The following TENM3 variants were observed in gnomAD, a reference collection of about 807,000 sequenced individuals.
TENM3 encodes teneurin-3.
A neutral mutation model predicts 255.1 loss-of-function variants in TENM3; 63 were observed. That is an observed-to-expected ratio of 0.25 (90% CI 0.20 to 0.30). The LOEUF (loss-of-function observed/expected upper bound fraction) is 0.30, where lower values mean the gene tolerates loss of function less well. Ranked by LOEUF, TENM3 falls within the 10% of genes least tolerant of loss-of-function variation. TENM3 has a pLI of 1.00. For missense variants in TENM3, 2,929 were observed against 3,461.1 expected, an observed-to-expected ratio of 0.85 and a Z score of 3.86; for synonymous variants, 1,306 against 1,322.3, an observed-to-expected ratio of 0.99 and a Z score of 0.27.
At chr4:182,655,398 T>TA (rs1488051734) in intron 6 of TENM3, among the ~76,000 whole-genome samples, 1 of 152,048 alleles carries the variant, frequency 6.6e-6, no homozygotes, top group Non-Finnish European at 1.5e-5. Flanking sequence ...AAAATGAAAA[T>TA]AGAGTTTGGC....
the TENM3 span, among the ~76,000 whole-genome samples, chr4:182,055,357 A>AAAT: frequency 2.0e-5 from 3 of 151,668 alleles, no homozygotes; most frequent in Non-Finnish European, 4.4e-5. Context: ...AACAATAAAT[A>AAAT]AATAAATAAA....
the TENM3 span, among the ~76,000 whole-genome samples, chr4:181,805,549 T>A: frequency 6.6e-6 from 1 of 152,040 alleles, no homozygotes; most frequent in African/African-American, 2.4e-5. Context: ...AGTTTCTATG[T>A]TCTCAACGTT....
intron 1 of TENM3, among the ~76,000 whole-genome samples, chr4:182,250,849 A>T (rs1270267722): frequency 6.6e-6 from 1 of 152,238 alleles, no homozygotes; most frequent in Non-Finnish European, 1.5e-5. Context: ...GCAATGGTGA[A>T]TTGATAAGGT....
chr4:181,966,825 CATT>C, the TENM3 span, among the ~76,000 whole-genome samples: 2 of 152,160 alleles, frequency 1.3e-5, no homozygotes, highest in African/African-American at 4.8e-5. Context: ...AGTGACAAAG[CATT>C]ATCTTTACTT....
At chr4:181,637,215 A>C in the TENM3 span, among the ~76,000 whole-genome samples, 2 of 91,230 alleles carry the variant, frequency 2.2e-5, no homozygotes, top group Admixed American at 2.5e-4. Context: ...TATAGTTTCT[A>C]TAACAACAAC....
chr4:181,880,849 T>C, the TENM3 span, among the ~76,000 whole-genome samples: 2 of 152,256 alleles, frequency 1.3e-5, no homozygotes, highest in South Asian at 4.1e-4. Context: ...CTACAAAGCC[T>C]ATGTGCAGGG....
At chr4:182,382,891 G>C (rs1276035075) in intron 3 of TENM3, among the ~76,000 whole-genome samples, 2 of 152,172 alleles carry the variant, frequency 1.3e-5, no homozygotes, top group African/African-American at 4.8e-5. Context: ...TGATGTTCAG[G>C]CTGATCACCC....
the TENM3 span, among the ~76,000 whole-genome samples, chr4:181,496,947 T>C: frequency 0.068 from 10,077 of 147,624 alleles, 454 homozygotes; most frequent in Non-Finnish European, 0.09. Flanking sequence ...ATAAATTTCA[T>C]TGAAGACTGA....
chr4:181,575,189 A>G, the TENM3 span, among the ~76,000 whole-genome samples: 2 of 152,116 alleles, frequency 1.3e-5, no homozygotes, highest in Non-Finnish European at 2.9e-5. Flanking sequence ...ATATTTCATT[A>G]TATATTTGTT....
the TENM3 span, among the ~76,000 whole-genome samples, chr4:181,670,974 T>G: frequency 7.2e-5 from 11 of 152,336 alleles, no homozygotes; most frequent in East Asian, 2.1e-3. Flanking sequence ...CTTTCAATAC[T>G]TCACCTGTGA....
At chr4:181,843,060 C>T in the TENM3 span, among the ~76,000 whole-genome samples, 1 of 152,046 alleles carries the variant, frequency 6.6e-6, no homozygotes, top group Non-Finnish European at 1.5e-5. Context: ...TATTATATTC[C>T]CTGTTGTATT....
intron 4 of TENM3, among the ~76,000 whole-genome samples, chr4:182,602,278 C>T (rs969711227): frequency 2.0e-5 from 3 of 152,222 alleles, no homozygotes; most frequent in African/African-American, 7.2e-5. Context: ...AAAGAGTTAT[C>T]ACCATAGAAA....
intron 3 of TENM3, among the ~76,000 whole-genome samples, chr4:182,512,508 G>A (rs1223226652): frequency 6.6e-6 from 1 of 152,008 alleles, no homozygotes; most frequent in African/African-American, 2.4e-5. Flanking sequence ...AAAATAGATG[G>A]GTATGATCAA....
the TENM3 span, among the ~76,000 whole-genome samples, chr4:181,465,935 C>G: frequency 6.6e-6 from 1 of 152,058 alleles, no homozygotes; most frequent in Non-Finnish European, 1.5e-5. Context: ...TAACCTTTTC[C>G]CTTCTAAAAT....
chr4:182,206,566 G>C (rs1266215785), intron 1 of TENM3, among the ~76,000 whole-genome samples: 1 of 152,176 alleles, frequency 6.6e-6, no homozygotes, highest in Non-Finnish European at 1.5e-5. Context: ...TTATGGAGAT[G>C]TCAATTCCTC....
the TENM3 span, among the ~76,000 whole-genome samples, chr4:181,621,618 C>A: frequency 1.3e-5 from 2 of 152,180 alleles, no homozygotes; most frequent in Non-Finnish European, 2.9e-5. Flanking sequence ...CAGGGTCTCA[C>A]ACACACAAAA....
At chr4:182,136,242 C>G in the TENM3 span, among the ~76,000 whole-genome samples, 4 of 152,154 alleles carry the variant, frequency 2.6e-5, no homozygotes, top group Non-Finnish European at 5.9e-5. Context: ...AATAATAGGG[C>G]TACAATTACT....
chr4:181,729,069 C>T, the TENM3 span, among the ~76,000 whole-genome samples: 2 of 152,182 alleles, frequency 1.3e-5, no homozygotes, highest in East Asian at 3.9e-4. Context: ...AGGAAGCTTA[C>T]ATTTTAATAG....
the TENM3 span, among the ~76,000 whole-genome samples, chr4:181,627,122 C>T: frequency 6.6e-6 from 1 of 152,178 alleles, no homozygotes; most frequent in African/African-American, 2.4e-5. Flanking sequence ...GGAGAGCCCA[C>T]ATTCCTAATC....
Sources: gnomAD v4.1 joint callset for allele counts (sites outside exome capture counted in the v4.1 genomes callset) on GRCh38, gnomAD v4.1.1 for gene constraint, MANE v1.5 for transcripts, NCBI Gene and HGNC (gene_info 2026-07-23, HGNC 2026-07-21) for gene names.